The following WDR76 variants were observed in gnomAD, a reference collection of about 807,000 sequenced individuals.
WDR76 encodes WD repeat domain 76, also known as WD repeat-containing protein 76.
Under a neutral mutation model 70.2 loss-of-function variants are expected in WDR76, and 52 were observed. The observed-to-expected ratio is 0.74, with a 90% CI of 0.59 to 0.93. The LOEUF is 0.93. Ranked by LOEUF, WDR76 falls within the 40% of genes least tolerant of loss-of-function variation. The probability of loss-of-function intolerance (pLI) is 0.00; values close to 1 mark genes in which losing one functional copy is unlikely to be tolerated. For missense variants in WDR76, 756 were observed against 760.2 expected (o/e 0.99, Z 0.07); for synonymous variants, 292 against 271.1 (o/e 1.08, Z -0.76).
At chr15:43,835,257 A>G in intron 3 of WDR76, 107 bp downstream of exon 3, 3 of 960,158 alleles carry the variant, frequency 3.1e-6, no homozygotes, top group Non-Finnish European at 3.2e-6. Flanking sequence ...GCTTGAGGCC[A>G]GGAGTTCGAG....
At chr15:43,840,401 C>A (rs1222440916) in intron 5 of WDR76, among the ~76,000 whole-genome samples, 5 of 151,592 alleles carry the variant, frequency 3.3e-5, no homozygotes, top group Non-Finnish European at 7.4e-5. Flanking sequence ...TATAAAGTTT[C>A]TCACATATTA....
At chr15:43,859,938 C>G (rs936959471) in intron 11 of WDR76, among the ~76,000 whole-genome samples, 1 of 152,188 alleles carries the variant, frequency 6.6e-6, no homozygotes, top group Non-Finnish European at 1.5e-5. Flanking sequence ...CTAGACTCCT[C>G]TCCAACTGCT....
chr15:43,827,221 C>T, intron 1 of WDR76, 129 bp downstream of exon 1: 1 of 1,116,912 alleles, frequency 9.0e-7, no homozygotes, highest in Non-Finnish European at 1.3e-6. Flanking sequence ...TGCCCTTAGG[C>T]CTTCAGCTTT....
rs916033500 is a variant in WDR76, at chr15:43,842,574, A to G, written c.835-54A>G. On this transcript the variant is annotated intron_variant, in intron 6 of 12. Coordinates refer to ENST00000263795, the MANE Select transcript of WDR76 (RefSeq NM_024908.4). ...TCATCTGTTAAGGAAATATATATAT[A>G]TGTAAAAATATATACATACTAACTT... The G allele has an allele frequency of 8.3e-5, 131 of 1,581,452 alleles. 1 individual carries two copies. The highest frequency in any genetic ancestry group is 1.8e-4 in the Middle Eastern group (1 of 5,640).
chr15:43,851,289 A>G (rs765305117), intron 9 of WDR76, 44 bp downstream of exon 9: 13 of 1,595,200 alleles, frequency 8.1e-6, no homozygotes, highest in South Asian at 6.8e-5. Flanking sequence ...ATGATATTCT[A>G]GATTCTTCGA....
At chr15:43,850,351 A>G (rs754511651) in intron 8 of WDR76, among the ~76,000 whole-genome samples, 4 of 151,408 alleles carry the variant, frequency 2.6e-5, no homozygotes, top group Non-Finnish European at 5.9e-5. Flanking sequence ...GCTGGAGTGC[A>G]GTGGTGAGAT....
At chr15:43,841,355 C>A (rs1360518413) in intron 5 of WDR76, among the ~76,000 whole-genome samples, 1 of 151,920 alleles carries the variant, frequency 6.6e-6, no homozygotes, top group African/African-American at 2.4e-5. Context: ...TGCCACCACG[C>A]CCGGCTAATT....
chr15:43,865,011 A>T (rs1344152649), intron 12 of WDR76, among the ~76,000 whole-genome samples: 1 of 150,524 alleles, frequency 6.6e-6, no homozygotes, highest in Non-Finnish European at 1.5e-5. Flanking sequence ...TGCAACCTCC[A>T]CCTCCCGGGT....
intron 12 of WDR76, among the ~76,000 whole-genome samples, chr15:43,862,490 G>GT (rs1305278156): frequency 0.016 from 2,097 of 130,254 alleles, 40 homozygotes; most frequent in African/African-American, 0.048. Flanking sequence ...GCTAATTTCT[G>GT]TTTTTTTTTT....
chr15:43,848,168 G>A (rs373297273), intron 8 of WDR76, among the ~76,000 whole-genome samples: 3 of 152,130 alleles, frequency 2.0e-5, no homozygotes, highest in Non-Finnish European at 2.9e-5. Context: ...AGCTCAAGGC[G>A]GTTGAGGCTG....
intron 4 of WDR76, among the ~76,000 whole-genome samples, 176 bp from the exon 5 acceptor site, chr15:43,839,429 A>G (rs1413004267): frequency 6.6e-6 from 1 of 152,144 alleles, no homozygotes; most frequent in Non-Finnish European, 1.5e-5. Flanking sequence ...TTTGATGAAC[A>G]TTTAGGTTTG....
At chr15:43,838,541 C>A (rs1372434171) in intron 4 of WDR76, among the ~76,000 whole-genome samples, 1 of 152,114 alleles carries the variant, frequency 6.6e-6, no homozygotes, top group African/African-American at 2.4e-5. Flanking sequence ...TATTGTTTAG[C>A]TTTGTCTTTT....
chr15:43,833,315 CTTTTCTT>C (rs771146835), intron 2 of WDR76, among the ~76,000 whole-genome samples: 1 of 148,696 alleles, frequency 6.7e-6, no homozygotes. Context: ...TCTTTCTTTT[CTTTTCTT>C]TTTTTTTTTT....
intron 12 of WDR76, among the ~76,000 whole-genome samples, chr15:43,863,129 G>A (rs2088024778): frequency 6.6e-6 from 1 of 152,020 alleles, no homozygotes. Flanking sequence ...AGTAGAGACA[G>A]GGTTTCCCAT....
At chr15:43,847,495 C>T (rs1417052394) in intron 8 of WDR76, among the ~76,000 whole-genome samples, 1 of 151,640 alleles carries the variant, frequency 6.6e-6, no homozygotes, top group Non-Finnish European at 1.5e-5. Flanking sequence ...GATCTCTGCT[C>T]ACTGCAGCCT....
rs766096646 is a variant in WDR76, at chr15:43,858,737, T to C, written c.1476T>C (p.Thr492=). ...GAAGTCAGCCTTTGATTTCTTTGAC[T>C]GAACATACAAAGAGCATTGCTTCCG... The part of the protein sequence containing the change: ...SRRSQPLISL[T]EHTKSIASAY... The change falls in exon 11 of 13, where the codon ACT becomes ACC. Residue 492 remains threonine (T), a synonymous_variant. Coordinates refer to ENST00000263795, the MANE Select transcript of WDR76 (RefSeq NM_024908.4). 1.9e-6 allele frequency: 3 copies of C among 1,614,230 alleles called. No homozygotes were observed. The highest frequency in any genetic ancestry group is 2.5e-6 in the Non-Finnish European group (3 of 1,180,030).
chr15:43,846,316 C>T (rs1257457077), intron 8 of WDR76, among the ~76,000 whole-genome samples: 1 of 148,254 alleles, frequency 6.7e-6, no homozygotes, highest in Non-Finnish European at 1.5e-5. Context: ...GATACGGTCC[C>T]ACTCTGTTGC....
In WDR76 at chr15:43,839,570, G is replaced by A. The variant is rs770753085; in HGVS notation, c.609-35G>A. The A allele has an allele frequency of 1.1e-5, 18 of 1,576,550 alleles. No individual in the cohort carries two copies. In the Admixed American group the frequency reaches 1.9e-4, roughly 17 times the overall value. On this transcript the variant is annotated intron_variant, in intron 4 of 12. Transcript: ENST00000263795. Reference sequence around the variant, plus strand: ...ATTAGTAAATACATTTTATTGTTTTGTGAGTATAACATGAGTTTTTCCCCA... The same window carrying A: ...ATTAGTAAATACATTTTATTGTTTTATGAGTATAACATGAGTTTTTCCCCA...
At chr15:43,836,731 C>T (rs914866321) in intron 4 of WDR76, among the ~76,000 whole-genome samples, 6 of 151,880 alleles carry the variant, frequency 4.0e-5, no homozygotes, top group Admixed American at 2.6e-4. Context: ...AGAAATCAGG[C>T]TCAAAAGATA....
Sources: allele counts gnomAD v4.1 joint callset (sites outside exome capture counted in the v4.1 genomes callset), GRCh38; gene constraint gnomAD v4.1.1; transcripts MANE v1.5; gene names NCBI Gene and HGNC (gene_info 2026-07-23, HGNC 2026-07-21).